DGKG: variants seen among roughly 807,000 people sequenced by gnomAD.
DGKG encodes DAG kinase gamma.
In DGKG, 78 loss-of-function variants were observed where a neutral mutation model predicts 105.3. The observed-to-expected ratio is 0.74, with a 90% CI of 0.62 to 0.89. The LOEUF (loss-of-function observed/expected upper bound fraction) is 0.89. DGKG is among the 40% of genes least tolerant of loss of function. DGKG has a pLI of 0.00. For synonymous variants in DGKG, 346 were observed against 367.1 expected (o/e 0.94, Z 0.66); for missense variants, 958 against 1,020.1 (o/e 0.94, Z 0.83).
intron 1 of DGKG, among the ~76,000 whole-genome samples, chr3:186,329,673 C>T (rs868106163): frequency 7.2e-5 from 11 of 152,304 alleles, no homozygotes; most frequent in Middle Eastern, 3.4e-3. Flanking sequence ...TGTGGAAAGT[C>T]GCAACTTGAC....
At chr3:186,263,135 A>AAAACAAAC (rs113732220) in intron 14 of DGKG, among the ~76,000 whole-genome samples, 58,573 of 149,616 alleles carry the variant, frequency 0.39, 12,728 homozygotes, top group East Asian at 0.58. Flanking sequence ...TCGGAAAAGA[A>AAAACAAAC]AAACAAACAA....
At chr3:186,252,029 T>A in intron 18 of DGKG, 110 bp from the exon 19 acceptor site, 1 of 1,039,230 alleles carries the variant, frequency 9.6e-7, no homozygotes, top group Non-Finnish European at 1.4e-6. Flanking sequence ...ACTATGGGAC[T>A]CCCCACTGTG....
intron 24 of DGKG, 56 bp downstream of exon 24, chr3:186,161,546 CA>C: frequency 2.5e-6 from 4 of 1,613,062 alleles, no homozygotes; most frequent in Non-Finnish European, 3.4e-6. Context: ...AGTCAGTGCC[CA>C]AAAGGGCTCA....
intron 1 of DGKG, among the ~76,000 whole-genome samples, chr3:186,335,920 C>T (rs1326204839): frequency 1.3e-5 from 2 of 152,160 alleles, no homozygotes; most frequent in Non-Finnish European, 2.9e-5. Flanking sequence ...TTAGTATGTA[C>T]ATCTAAAATA....
intron 1 of DGKG, among the ~76,000 whole-genome samples, chr3:186,337,773 G>A (rs757688852): frequency 3.6e-4 from 55 of 152,148 alleles, no homozygotes; most frequent in Non-Finnish European, 4.9e-4. Flanking sequence ...CAAAGTGACT[G>A]ACACAAAATC....
intron 10 of DGKG, among the ~76,000 whole-genome samples, chr3:186,273,785 G>C (rs1357200254): frequency 6.6e-6 from 1 of 152,202 alleles, no homozygotes; most frequent in East Asian, 1.9e-4. Flanking sequence ...ACACGTGCAT[G>C]TTGGATAAAG....
chr3:186,260,331 A>G lies in DGKG; in HGVS notation c.1424+108T>C. 3.8e-6 allele frequency: 3 copies of G among 787,022 alleles called. No homozygotes were observed. In the East Asian group the frequency reaches 7.5e-5, roughly 20 times the overall value. The allele number at this position is 787,022 out of a possible 1,614,324, so 48.8% of individuals were successfully genotyped here. Reference sequence around the variant, plus strand: ...AGAGAAAGGGAGTAAAATGGCAGGAAGGAACAAGTTGAGAGACGAAAGAAA... The same window carrying G: ...AGAGAAAGGGAGTAAAATGGCAGGAGGGAACAAGTTGAGAGACGAAAGAAA... On this transcript the variant is annotated intron_variant, in intron 16 of 24. Transcript: ENST00000265022.
intron 14 of DGKG, among the ~76,000 whole-genome samples, chr3:186,262,139 G>A (rs1721806867): frequency 6.6e-6 from 1 of 152,132 alleles, no homozygotes; most frequent in African/African-American, 2.4e-5. Flanking sequence ...GATCATACGC[G>A]TAAGTGAAAT....
At position 186,310,265 on chromosome 3, in the gene DGKG, C is replaced by CAAAAAAAAAAAAAAAAA. The variant is rs1165723037; in HGVS notation, c.68-3305_68-3289dup. Among the ~76,000 whole-genome samples, 10 of 33,292 alleles carry CAAAAAAAAAAAAAAAAA rather than the reference C, an allele frequency of 3.0e-4. 1 individual carries two copies. Among genetic ancestry groups the CAAAAAAAAAAAAAAAAA allele is most frequent in the African/African-American group, 8.1e-4 (9 of 11,096 alleles). The allele number at this position is 33,292 out of a possible 152,430, so 21.8% of individuals were successfully genotyped here. On this transcript the variant is annotated intron_variant, in intron 2 of 24. Transcript: ENST00000265022. ...CTGGCAACAAAGCAAGACTCCGTCT[C>CAAAAAAAAAAAAAAAAA]AAAAAAAAAAAAAAAAAAAAAAAAC...
chr3:186,168,068 A>C (rs1716638945), intron 22 of DGKG, among the ~76,000 whole-genome samples: 1 of 152,232 alleles, frequency 6.6e-6, no homozygotes, highest in African/African-American at 2.4e-5. Context: ...GAAAAGAGGA[A>C]GGAAGAAGGA....
At chr3:186,178,560 C>T (rs745391420) in intron 22 of DGKG, among the ~76,000 whole-genome samples, 1 of 152,232 alleles carries the variant, frequency 6.6e-6, no homozygotes, top group Non-Finnish European at 1.5e-5. Context: ...AGTTCAACTC[C>T]AGCTCAAACC....
At chr3:186,289,522 C>T (rs1283786567) in intron 5 of DGKG, among the ~76,000 whole-genome samples, 2 of 152,154 alleles carry the variant, frequency 1.3e-5, no homozygotes, top group African/African-American at 4.8e-5. Flanking sequence ...GTCTCTTCCA[C>T]ACTCTGTCCT....
In DGKG at chr3:186,191,323, G is replaced by C. The variant is rs145698688; in HGVS notation, c.1918-2944C>G. Among the ~76,000 whole-genome samples the C allele has an allele frequency of 7.2e-4, 110 of 152,350 alleles. 2 individuals are homozygous for C. In the East Asian group the frequency reaches 0.019, roughly 27 times the overall value. ...TATTCTAGAATCTTGCCAGGGATCAGAATAAAGTGTATCAGTCTGTGGTTT... is the reference window on the plus strand; with the variant it reads ...TATTCTAGAATCTTGCCAGGGATCACAATAAAGTGTATCAGTCTGTGGTTT... On this transcript the variant is annotated intron_variant, in intron 21 of 24. Transcript: ENST00000265022.
intron 1 of DGKG, among the ~76,000 whole-genome samples, chr3:186,322,985 A>G (rs1036613586): frequency 4.6e-5 from 7 of 152,068 alleles, no homozygotes; most frequent in Admixed American, 3.9e-4. Context: ...TGTCCACCAC[A>G]CCAGCCCTGG....
At chr3:186,184,734 C>A (rs546356786) in intron 22 of DGKG, among the ~76,000 whole-genome samples, 106 of 152,220 alleles carry the variant, frequency 7.0e-4, no homozygotes, top group African/African-American at 2.5e-3. Context: ...CTCCCATCAT[C>A]ATTTCCTCTT....
rs74773777 is a variant in DGKG at position 186,306,507 on chromosome 3, C to T, written c.144+394G>A. 7.2e-5 allele frequency among the ~76,000 whole-genome samples: 11 copies of T among 151,958 alleles called. No homozygotes were observed. The East Asian group carries it at 1.7e-3, about 24-fold the overall frequency. ...TGAGTGCACACGTGGGGGAGTTGGA[C>T]GTAGATAGGAGCATGGAGAGGTCAT... is the stretch of plus-strand genomic sequence containing the variant. On this transcript the variant is annotated intron_variant, in intron 3 of 24. Coordinates refer to ENST00000265022, the MANE Select transcript of DGKG (RefSeq NM_001346.3).
chr3:186,310,174 G>A (rs2108629085), intron 2 of DGKG, among the ~76,000 whole-genome samples: 1 of 145,282 alleles, frequency 6.9e-6, no homozygotes, highest in African/African-American at 2.5e-5. Flanking sequence ...GGCTGAGGCA[G>A]GAGAATCACT....
chr3:186,150,121 G>C lies in DGKG; in HGVS notation c.2345C>G (p.Ser782Trp). ...TTTTGAACGGCTCTTCCTTCTCAAC[G>C]AGAAGAAGCTGCTCTTCTGGGGAGG... ...MGPPQKSSFF[S>W]LRRKSRSKD is the part of the protein sequence containing the mutation. Residue 782 changes from serine (S) to tryptophan (W), a missense_variant, in exon 25 of 25, where the codon TCG (serine) becomes TGG (tryptophan). Around this residue, in one of 2 missense-constraint regions of DGKG, gnomAD observed 315 missense variants for 400.6 expected, o/e 0.79. Transcript: ENST00000265022. 6.2e-7 allele frequency: 1 copy of C among 1,613,686 alleles called. No individual in the cohort carries two copies.
At chr3:186,313,479 C>A in intron 2 of DGKG, 1 of 983,916 alleles carries the variant, frequency 1.0e-6, no homozygotes, top group Non-Finnish European at 1.2e-6. Context: ...CTCACCTTTT[C>A]TCCAAATAAT....
Sources: gnomAD v4.1 joint callset for allele counts (sites outside exome capture counted in the v4.1 genomes callset) on GRCh38, gnomAD v4.1.1 for gene constraint, gnomAD v4.1.1 regional missense constraint, MANE v1.5 for transcripts, NCBI Gene and HGNC (gene_info 2026-07-23, HGNC 2026-07-21) for gene names.